The following TMEM232 variants were observed in gnomAD, a reference collection of about 807,000 sequenced individuals.
The protein encoded by TMEM232 is transmembrane protein 232.
Under a neutral mutation model 78.8 loss-of-function variants are expected in TMEM232, and 80 were observed. That is an observed-to-expected ratio of 1.01 (90% CI 0.85 to 1.22). The LOEUF (loss-of-function observed/expected upper bound fraction) is 1.22. Ranked by LOEUF, TMEM232 falls within the 50% of genes most tolerant of loss-of-function variation. The pLI is 0.00. For missense variants in TMEM232, 881 were observed against 742.2 expected, an observed-to-expected ratio of 1.19 and a Z score of -2.17; for synonymous variants, 297 against 254.3, an observed-to-expected ratio of 1.17 and a Z score of -1.60.
At chr5:110,638,494 C>T (rs1338229645) in intron 4 of TMEM232, 139 bp from the exon 5 acceptor site, 14 of 822,726 alleles carry the variant, frequency 1.7e-5, no homozygotes, top group Middle Eastern at 3.8e-4. Flanking sequence ...TTCTCTTTGA[C>T]ACCTTTCTCA....
intron 12 of TMEM232, among the ~76,000 whole-genome samples, chr5:110,483,803 T>C (rs1329302797): frequency 6.6e-6 from 1 of 152,096 alleles, no homozygotes; most frequent in Non-Finnish European, 1.5e-5. Flanking sequence ...ATTTCATTAC[T>C]GGGTATATAC....
chr5:110,614,244 G>A (rs1782661113), intron 8 of TMEM232, among the ~76,000 whole-genome samples: 1 of 152,028 alleles, frequency 6.6e-6, no homozygotes, highest in African/African-American at 2.4e-5. Flanking sequence ...AGGATTCAGT[G>A]ACAGGCTGTC....
intron 11 of TMEM232, among the ~76,000 whole-genome samples, chr5:110,545,655 C>T (rs1561665011): frequency 6.6e-6 from 1 of 151,854 alleles, no homozygotes; most frequent in African/African-American, 2.4e-5. Flanking sequence ...CTCTATAGAG[C>T]ACATTAGGGA....
At chr5:110,613,030 G>A (rs535800595) in intron 8 of TMEM232, among the ~76,000 whole-genome samples, 1 of 152,208 alleles carries the variant, frequency 6.6e-6, no homozygotes, top group Admixed American at 6.5e-5. Context: ...GCAGATAAAG[G>A]CCAATGCATG....
intron 1 of TMEM232, among the ~76,000 whole-genome samples, chr5:110,693,013 G>C (rs1038783804): frequency 2.0e-5 from 3 of 152,154 alleles, no homozygotes; most frequent in Non-Finnish European, 2.9e-5. Flanking sequence ...CTCCTCAAGT[G>C]GGTCCCTGAC....
rs764110594 is a variant in TMEM232, at chr5:110,607,503, AG to A, written c.903-1217del. Among the ~76,000 whole-genome samples, 77 of 152,158 alleles carry A rather than the reference AG, an allele frequency of 5.1e-4. 1 individual carries two copies. Among genetic ancestry groups the A allele is most frequent in the Non-Finnish European group, 9.7e-4 (66 of 67,916 alleles). On this transcript the variant is annotated intron_variant, in intron 8 of 13. Coordinates refer to ENST00000455884, the MANE Select transcript of TMEM232 (RefSeq NM_001039763.4). Reference sequence around the variant, plus strand: ...AAATGGCAATATGCTCAATTAAGTTAGCCCCCTCAAGATGGAATTCTCTGTA... The same window carrying A: ...AAATGGCAATATGCTCAATTAAGTTACCCCCTCAAGATGGAATTCTCTGTA...
chr5:110,529,717 T>G (rs548999957), intron 11 of TMEM232, among the ~76,000 whole-genome samples: 28 of 152,300 alleles, frequency 1.8e-4, no homozygotes, highest in Admixed American at 5.9e-4. Context: ...CAATATTTAT[T>G]CAGGAAAAGG....
intron 8 of TMEM232, among the ~76,000 whole-genome samples, chr5:110,618,150 C>A (rs1783172279): frequency 6.6e-6 from 1 of 151,676 alleles, no homozygotes; most frequent in South Asian, 2.1e-4. Flanking sequence ...GTTTGCAATG[C>A]AGGCATAAAC....
At chr5:110,516,954 C>G (rs749567540) in intron 12 of TMEM232, among the ~76,000 whole-genome samples, 11 of 151,518 alleles carry the variant, frequency 7.3e-5, no homozygotes, top group Non-Finnish European at 1.0e-4. Context: ...CAAGCATGCT[C>G]TAGTCCTCCC....
chr5:110,658,395 G>C (rs890154542), intron 2 of TMEM232, among the ~76,000 whole-genome samples: 3 of 151,988 alleles, frequency 2.0e-5, no homozygotes, highest in African/African-American at 7.3e-5. Context: ...TTAGCAAATG[G>C]AATACCGTCT....
chr5:110,529,518 AT>A (rs1771114857), intron 11 of TMEM232, among the ~76,000 whole-genome samples: 1 of 152,188 alleles, frequency 6.6e-6, no homozygotes. Context: ...AAGTGCTGGG[AT>A]TACAGGCGTG....
At chr5:110,435,329 T>C (rs908835446) in intron 12 of TMEM232, among the ~76,000 whole-genome samples, 2 of 151,744 alleles carry the variant, frequency 1.3e-5, no homozygotes, top group Non-Finnish European at 2.9e-5. Context: ...ACTTTTCTAA[T>C]GTTTAAATTT....
At chr5:110,500,579 G>A (rs551985627) in intron 12 of TMEM232, among the ~76,000 whole-genome samples, 3 of 152,074 alleles carry the variant, frequency 2.0e-5, no homozygotes, top group Non-Finnish European at 4.4e-5. Flanking sequence ...ATGAGGAAAT[G>A]AATAAGTTTT....
intron 2 of TMEM232, among the ~76,000 whole-genome samples, chr5:110,648,863 GCTCT>G (rs1787896023): frequency 6.6e-6 from 1 of 152,022 alleles, no homozygotes; most frequent in African/African-American, 2.4e-5. Context: ...ATTACACTCA[GCTCT>G]CTAAGTCTCA....
chr5:110,606,378 G>A (rs1781546761), intron 8 of TMEM232, 91 bp from the exon 9 acceptor site: 1 of 1,244,582 alleles, frequency 8.0e-7, no homozygotes, highest in South Asian at 2.0e-5. Context: ...ATAGGTCAGA[G>A]GAAATGCATG....
At chr5:110,658,170 G>A (rs1789337767) in intron 2 of TMEM232, among the ~76,000 whole-genome samples, 1 of 152,056 alleles carries the variant, frequency 6.6e-6, no homozygotes, top group African/African-American at 2.4e-5. Flanking sequence ...TCACTGATTT[G>A]GGGTCTGGGC....
At chr5:110,552,886 G>A (rs868049076) in intron 11 of TMEM232, among the ~76,000 whole-genome samples, 4 of 152,108 alleles carry the variant, frequency 2.6e-5, no homozygotes, top group African/African-American at 9.7e-5. Flanking sequence ...TCACATTTAA[G>A]TCTCTAATTA....
intron 12 of TMEM232, among the ~76,000 whole-genome samples, chr5:110,485,449 C>A (rs1363821144): frequency 6.6e-6 from 1 of 152,016 alleles, no homozygotes; most frequent in Non-Finnish European, 1.5e-5. Context: ...AATCCCTCAC[C>A]CACCACCCCC....
At chr5:110,670,372 C>T (rs1024379975) in intron 1 of TMEM232, among the ~76,000 whole-genome samples, 8 of 152,142 alleles carry the variant, frequency 5.3e-5, no homozygotes, top group Non-Finnish European at 1.0e-4. Flanking sequence ...TGAGTGAACT[C>T]CCATTCACAA....
Sources: gnomAD v4.1 joint callset for allele counts (sites outside exome capture counted in the v4.1 genomes callset) on GRCh38, gnomAD v4.1.1 for gene constraint, MANE v1.5 for transcripts, NCBI Gene and HGNC (gene_info 2026-07-23, HGNC 2026-07-21) for gene names.